Variants in SIK3 observed in about 807,000 individuals in gnomAD.
The protein encoded by SIK3 is serine/threonine-protein kinase SIK3.
SIK3 carries 28 observed loss-of-function variants against 144.2 expected under a neutral mutation model. That is an observed-to-expected ratio of 0.19 (90% CI 0.14 to 0.27). The LOEUF (loss-of-function observed/expected upper bound fraction) is 0.27, where lower values mean the gene tolerates loss of function less well. Ranked by LOEUF, SIK3 falls within the 10% of genes least tolerant of loss-of-function variation. The pLI is 1.00. For synonymous variants in SIK3, 686 were observed against 676.3 expected, an observed-to-expected ratio of 1.01 and a Z score of -0.22; for missense variants, 1,319 against 1,776.0, an observed-to-expected ratio of 0.74 and a Z score of 4.62.
chr11:116,958,826 C>A (rs1014876289), intron 1 of SIK3, among the ~76,000 whole-genome samples: 3 of 152,202 alleles, frequency 2.0e-5, no homozygotes, highest in African/African-American at 7.2e-5. Context: ...AGATCACATA[C>A]AAGACCTTAA....
intron 1 of SIK3, among the ~76,000 whole-genome samples, chr11:117,060,063 G>A (rs552572819): frequency 1.3e-5 from 2 of 152,174 alleles, no homozygotes; most frequent in African/African-American, 2.4e-5. Context: ...GTTTATAGCA[G>A]CTTTATTCAT....
At chr11:117,016,323 G>GAA (rs377283819) in intron 1 of SIK3, among the ~76,000 whole-genome samples, 1 of 100,302 alleles carries the variant, frequency 1.0e-5, no homozygotes, top group Non-Finnish European at 1.9e-5. Flanking sequence ...GAGACTCTGC[G>GAA]AAAAAAAAAG....
chr11:116,883,927 C>CTT (rs1358740657), intron 6 of SIK3, among the ~76,000 whole-genome samples: 2 of 150,970 alleles, frequency 1.3e-5, no homozygotes, highest in Non-Finnish European at 2.9e-5. Flanking sequence ...GAGTGAGACT[C>CTT]TGTCTTAAAA....
chr11:117,037,696 T>A (rs1160305187), intron 1 of SIK3, among the ~76,000 whole-genome samples: 1 of 152,140 alleles, frequency 6.6e-6, no homozygotes, highest in Admixed American at 6.6e-5. Flanking sequence ...GCAACCAGCT[T>A]TGAATTTGCC....
intron 1 of SIK3, among the ~76,000 whole-genome samples, chr11:117,021,484 AG>A (rs1951760075): frequency 6.6e-6 from 1 of 152,168 alleles, no homozygotes; most frequent in Non-Finnish European, 1.5e-5. Flanking sequence ...ACAGATAGGG[AG>A]GAACAAAAAA....
intron 3 of SIK3, among the ~76,000 whole-genome samples, chr11:116,938,486 GAA>G (rs1948072230): frequency 1.9e-5 from 1 of 52,970 alleles, no homozygotes; most frequent in African/African-American, 8.4e-5. Context: ...GAGGAGAGGA[GAA>G]GAGAAGGAGA....
Position 116,875,323 on chromosome 11 carries a change from T to G in SIK3, c.1317+51A>C, listed in dbSNP as rs748075936. ...AAATCAGAAGGAAGGGAAGCAAGGA[T>G]ATGGCAAAGAAAGTGGTTTCAGCTG... On this transcript the variant is annotated intron_variant, in intron 10 of 24. Transcript: ENST00000445177. 1.9e-6 allele frequency: 3 copies of G among 1,613,078 alleles called. No homozygotes were observed. The South Asian group carries it at 3.3e-5, about 18-fold the overall frequency.
chr11:116,944,520 G>T (rs1449348369), intron 3 of SIK3, among the ~76,000 whole-genome samples: 1 of 152,154 alleles, frequency 6.6e-6, no homozygotes, highest in Non-Finnish European at 1.5e-5. Context: ...TGAACACAGA[G>T]GCTGGGCTGA....
chr11:116,939,685 T>G (rs1001215564), intron 3 of SIK3, among the ~76,000 whole-genome samples: 1 of 152,212 alleles, frequency 6.6e-6, no homozygotes, highest in Non-Finnish European at 1.5e-5. Context: ...AGCAAATTCC[T>G]AAATATAACT....
At chr11:116,872,754 G>T (rs539014071) in intron 13 of SIK3, among the ~76,000 whole-genome samples, 10 of 152,224 alleles carry the variant, frequency 6.6e-5, no homozygotes, top group African/African-American at 2.4e-4. Context: ...TTTTACAAGG[G>T]ATTAACCCAT....
intron 3 of SIK3, chr11:116,950,179 A>G: frequency 2.1e-6 from 1 of 470,806 alleles, no homozygotes; most frequent in Non-Finnish European, 4.4e-6. Flanking sequence ...AGGGGCCCCC[A>G]TCTCTTAACT....
chr11:116,881,269 T>C lies in SIK3; in HGVS notation c.866-4227A>G, dbSNP rs1944533126. ...AAGAATATGCTCCTCTGCTTGTGTG[T>C]GCCAGAGAAGCAGCTTCCCTTCAGA... On this transcript the variant is annotated intron_variant, in intron 6 of 24. Coordinates refer to ENST00000445177, the MANE Select transcript of SIK3 (RefSeq NM_001366686.3). 1.3e-5 allele frequency among the ~76,000 whole-genome samples: 2 copies of C among 152,162 alleles called. 1 individual carries two copies. Among genetic ancestry groups the C allele is most frequent in the Non-Finnish European group, 2.9e-5 (2 of 68,036 alleles).
intron 21 of SIK3, among the ~76,000 whole-genome samples, chr11:116,854,202 GA>G (rs992781429): frequency 3.3e-5 from 5 of 149,972 alleles, no homozygotes; most frequent in East Asian, 3.9e-4. Context: ...TATACCAAAG[GA>G]AAAAAAAAAT....
At chr11:117,006,676 C>T (rs541819423) in intron 1 of SIK3, among the ~76,000 whole-genome samples, 11 of 152,084 alleles carry the variant, frequency 7.2e-5, no homozygotes, top group African/African-American at 1.9e-4. Context: ...AAAAGATCTT[C>T]ACAAACAATT....
chr11:116,994,959 T>C (rs997290137), intron 1 of SIK3, among the ~76,000 whole-genome samples: 1 of 152,040 alleles, frequency 6.6e-6, no homozygotes, highest in Non-Finnish European at 1.5e-5. Context: ...TCCTTTTTTT[T>C]TCTTTTTTTC....
chr11:116,957,460 AAGC>A (rs1949183318), intron 1 of SIK3, among the ~76,000 whole-genome samples: 1 of 152,222 alleles, frequency 6.6e-6, no homozygotes, highest in African/African-American at 2.4e-5. Context: ...AAAAGGCAAG[AAGC>A]TTGTATCATA....
intron 1 of SIK3, among the ~76,000 whole-genome samples, chr11:116,994,676 G>C (rs558039712): frequency 6.6e-6 from 1 of 151,990 alleles, no homozygotes; most frequent in South Asian, 2.1e-4. Context: ...CATCACTGTC[G>C]GACTAAACTG....
In SIK3 at chr11:116,845,596, A is replaced by G. The variant is rs1283242041; in HGVS notation, c.*47T>C. 2 of 152,270 alleles carry G rather than the reference A, an allele frequency of 1.3e-5. No individual in the cohort carries two copies. 9.4% of individuals were successfully genotyped at this position (152,270 alleles called of 1,614,324 possible). On this transcript the variant is annotated 3_prime_UTR_variant, in exon 25 of 25. Transcript: ENST00000445177. ...CGCTGCTAGATACTGTGGGTTTACA[A>G]TCAACCTTTTCATTCCCAAGCTGTA...
intron 1 of SIK3, among the ~76,000 whole-genome samples, chr11:117,014,206 T>C (rs921285366): frequency 3.3e-5 from 5 of 151,748 alleles, no homozygotes; most frequent in Admixed American, 1.3e-4. Flanking sequence ...ACAAACAGAA[T>C]GTTGATTATT....
Sources: allele counts gnomAD v4.1 joint callset (sites outside exome capture counted in the v4.1 genomes callset), GRCh38; gene constraint gnomAD v4.1.1; transcripts MANE v1.5; gene names NCBI Gene and HGNC (gene_info 2026-07-23, HGNC 2026-07-21).